CHD8: variants seen among roughly 807,000 people sequenced by gnomAD.
The protein encoded by CHD8 is ATP-dependent chromatin remodeler CHD8.
CHD8 carries 31 observed loss-of-function variants against 279.2 expected under a neutral mutation model. The ratio of observed to expected loss-of-function variants is 0.11; its 90% CI spans 0.08 to 0.15. The LOEUF is 0.15. Ranked by LOEUF, CHD8 falls within the 10% of genes least tolerant of loss-of-function variation. The pLI is 1.00. For missense variants in CHD8, 2,146 were observed against 3,230.5 expected, an observed-to-expected ratio of 0.66 and a Z score of 8.14; for synonymous variants, 1,081 against 1,139.6, an observed-to-expected ratio of 0.95 and a Z score of 1.04.
chr14:21,418,745 G>C (rs1888869890), intron 5 of CHD8, among the ~76,000 whole-genome samples: 1 of 152,260 alleles, frequency 6.6e-6, no homozygotes, highest in Non-Finnish European at 1.5e-5. Context: ...GAACCCAGGA[G>C]GCGGAGCTTG....
Position 21,400,795 on chromosome 14 carries a change from A to G in CHD8, c.4370+80T>C. ...TATCCCTTCTTTGATCATAGCCCCC[A>G]ATTTGAAAGGCAAACCAAGAGTATC... On this transcript the variant is annotated intron_variant, in intron 22 of 37. Coordinates refer to ENST00000646647, the MANE Select transcript of CHD8 (RefSeq NM_001170629.2). This position sits in a 1 kb window ranked among gnomAD's most constrained non-coding sequence, Gnocchi z 4.2. The G allele has an allele frequency of 7.0e-7, 1 of 1,427,860 alleles. No individual in the cohort carries two copies. 88.4% of individuals were successfully genotyped at this position (1,427,860 alleles called of 1,614,324 possible).
chr14:21,415,551 T>C (rs770813768), intron 7 of CHD8, 23 bp downstream of exon 7: 24 of 1,013,978 alleles, frequency 2.4e-5, no homozygotes, highest in East Asian at 6.0e-5. Context: ...ATAAAAATAA[T>C]AATAATAATA....
chr14:21,427,946 C>T lies in CHD8; in HGVS notation c.1524G>A (p.Gly508=). 1.2e-6 allele frequency: 2 copies of T among 1,614,070 alleles called. No individual in the cohort carries two copies. The highest frequency in any genetic ancestry group is 2.2e-5 in the South Asian group (2 of 91,082). ...GEKKRRKKSA[G]ERLKEEKPKK... ...TTGGCTTCTCCTCTTTCAGCCTCTC[C>T]CCAGCACTCTTCTTCCTGCGTTTCT... The change falls in exon 4 of 38, where the codon GGG becomes GGA. Residue 508 remains glycine (G), a synonymous_variant. Coordinates refer to ENST00000646647, the MANE Select transcript of CHD8 (RefSeq NM_001170629.2).
intron 1 of CHD8, among the ~76,000 whole-genome samples, chr14:21,438,188 A>G (rs977821706): frequency 2.0e-5 from 3 of 151,714 alleles, no homozygotes; most frequent in African/African-American, 7.3e-5. Flanking sequence ...AGCCTCCCGA[A>G]TAGCTGGGAT....
intron 1 of CHD8, among the ~76,000 whole-genome samples, chr14:21,436,424 G>C (rs951363467): frequency 6.6e-6 from 1 of 152,214 alleles, no homozygotes; most frequent in East Asian, 1.9e-4. Flanking sequence ...CGTGAGACAC[G>C]AAGGGTCTCA....
At chr14:21,411,988 T>C (rs532207165) in intron 10 of CHD8, among the ~76,000 whole-genome samples, 6 of 151,304 alleles carry the variant, frequency 4.0e-5, no homozygotes, top group East Asian at 2.0e-4. Flanking sequence ...TACTTGAATC[T>C]GGGAGGCGGA....
chr14:21,402,181 T>C lies in CHD8; in HGVS notation c.3883-45A>G, dbSNP rs1888066032. 3 of 1,493,666 alleles carry C rather than the reference T, an allele frequency of 2.0e-6. No homozygotes were observed. In the East Asian group the frequency reaches 7.0e-5, roughly 35 times the overall value. The allele number at this position is 1,493,666 out of a possible 1,614,324, so 92.5% of individuals were successfully genotyped here. ...GATGAAAAGACTATCAAGAGAATAA[T>C]ATCTAACCATGCCATAATATTTTAG... On this transcript the variant is annotated intron_variant, in intron 19 of 37. Transcript: ENST00000646647. This position sits in a 1 kb window ranked among gnomAD's most constrained non-coding sequence, Gnocchi z 4.5.
At chr14:21,424,080 C>A (rs1040388497) in intron 5 of CHD8, among the ~76,000 whole-genome samples, 1 of 152,050 alleles carries the variant, frequency 6.6e-6, no homozygotes, top group African/African-American at 2.4e-5. Context: ...AATTTTAATA[C>A]CGTCTTTACA....
At position 21,408,215 on chromosome 14, in the gene CHD8, TTCAATAAAA is replaced by T. The variant is rs1464754461; in HGVS notation, c.2730+88_2730+96del. On this transcript the variant is annotated intron_variant, in intron 13 of 37. Coordinates refer to ENST00000646647, the MANE Select transcript of CHD8 (RefSeq NM_001170629.2). This position sits in a 1 kb window ranked among gnomAD's most constrained non-coding sequence, Gnocchi z 4.3. ...TTTTTGCATAGGCATATTGAAGACT[TTCAATAAAA>T]GTCTTCTATTCATATATAGCCCTTA... is the stretch of plus-strand genomic sequence containing the variant. 4.9e-6 allele frequency: 7 copies of T among 1,433,564 alleles called. No individual in the cohort carries two copies. Among genetic ancestry groups the T allele is most frequent in the Non-Finnish European group, 5.6e-6 (6 of 1,063,886 alleles). 88.8% of individuals were successfully genotyped at this position (1,433,564 alleles called of 1,614,324 possible).
intron 5 of CHD8, among the ~76,000 whole-genome samples, chr14:21,424,627 C>A (rs538433601): frequency 1.6e-4 from 25 of 152,212 alleles, no homozygotes; most frequent in Admixed American, 5.9e-4. Context: ...CCCACCACCA[C>A]GCCCGGCTAA....
chr14:21,437,044 GCCAA>G, intron 1 of CHD8: 1 of 695,168 alleles, frequency 1.4e-6, no homozygotes, highest in Non-Finnish European at 2.2e-6. Context: ...GGTGGGGATG[GCCAA>G]GACGGGAAGA....
At chr14:21,427,705 C>G (rs965940969) in intron 4 of CHD8, 164 bp downstream of exon 4, 4 of 1,509,052 alleles carry the variant, frequency 2.7e-6, no homozygotes, top group Non-Finnish European at 3.5e-6. Context: ...TACTCTTGCA[C>G]GTCCCATCAC....
chr14:21,403,799 A>C lies in CHD8; in HGVS notation c.3308-136T>G. ...CATTTCTCACACACAGAATTTCAGC[A>C]CAAAAAAGTCTTAAATCGGCTGGGT... is the stretch of plus-strand genomic sequence containing the variant. On this transcript the variant is annotated intron_variant, in intron 16 of 37. Coordinates refer to ENST00000646647, the MANE Select transcript of CHD8 (RefSeq NM_001170629.2). This position sits in a 1 kb window ranked among gnomAD's most constrained non-coding sequence, Gnocchi z 4.3. The C allele has an allele frequency of 1.2e-6, 1 of 807,224 alleles. No homozygotes were observed. The highest frequency in any genetic ancestry group is 2.0e-6 in the Non-Finnish European group (1 of 511,756). The allele number at this position is 807,224 out of a possible 1,614,324, so 50.0% of individuals were successfully genotyped here. A position where few individuals can be genotyped will look rare whatever the true frequency, so the allele number is the denominator to read the frequency against.
At chr14:21,446,454 G>A (rs1277562596) in intron 1 of CHD8, among the ~76,000 whole-genome samples, 3 of 151,742 alleles carry the variant, frequency 2.0e-5, no homozygotes, top group South Asian at 4.2e-4. Flanking sequence ...TGGGACAACA[G>A]GCACACGCCA....
At position 21,431,447 on chromosome 14, in the gene CHD8, A is replaced by C; in HGVS notation, c.197T>G (p.Leu66Arg). The C allele has an allele frequency of 6.5e-7, 1 of 1,537,208 alleles. No homozygotes were observed. The highest frequency in any genetic ancestry group is 8.7e-7 in the Non-Finnish European group (1 of 1,146,894). Residue 66 changes from leucine to arginine, a missense_variant, in exon 2 of 38, where the codon CTG (leucine) becomes CGG (arginine). Leu to Arg is a moderately radical substitution (Grantham distance 102). This residue lies in a region of CHD8 where 302 missense variants were observed against 325.5 expected (regional missense o/e 0.93). Transcript: ENST00000646647. ...GDVGNSSASE[L>R]VPPPEETAPT... is the part of the protein sequence containing the mutation. ...AGCTGTTTCCTCTGGTGGAGGGACC[A>C]GTTCACTTGCTGATGAATTCCCCAC... is the stretch of plus-strand genomic sequence containing the variant.
At chr14:21,444,373 G>A (rs889305207) in intron 1 of CHD8, among the ~76,000 whole-genome samples, 2 of 152,098 alleles carry the variant, frequency 1.3e-5, no homozygotes, top group Non-Finnish European at 2.9e-5. Context: ...AGTTTCAGTT[G>A]GCTAATACCT....
Position 21,431,597 on chromosome 14 carries a change from C to A in CHD8, c.47G>T (p.Gly16Val). Residue 16 changes from glycine (G) to valine (V), a missense_variant, in exon 2 of 38, where the codon GGC becomes GTC. Gly to Val is a moderately radical substitution (Grantham distance 109). Transcript: ENST00000646647. ...GCTGTCATCAGTCAGAGAGTCCAGGCCAAATAAATTTGGGTCATCGAACAG... is the reference window on the plus strand; with the variant it reads ...GCTGTCATCAGTCAGAGAGTCCAGGACAAATAAATTTGGGTCATCGAACAG... ...MDLFDDPNLF[G>V]LDSLTDDSFN... The A allele has an allele frequency of 6.5e-7, 1 of 1,537,330 alleles. No individual in the cohort carries two copies. The highest frequency in any genetic ancestry group is 8.7e-7 in the Non-Finnish European group (1 of 1,146,870).
chr14:21,411,557 G>A (rs1278032780), intron 10 of CHD8, among the ~76,000 whole-genome samples: 1 of 152,172 alleles, frequency 6.6e-6, no homozygotes. Context: ...AAAAGGCTCT[G>A]CTGTTCTCTA....
chr14:21,429,010 G>T lies in CHD8; in HGVS notation c.1169C>A (p.Pro390Gln), dbSNP rs1337183095. The change falls in exon 3 of 38, where the codon CCA becomes CAA. Residue 390 changes from proline to glutamine, a missense_variant. By Grantham distance (76) the Pro-to-Gln change is moderately conservative (BLOSUM62 -1). Transcript: ENST00000646647. ...GACTGGTACTGAAAGTCTTTGTCCTGGGCTTTGTCCTGGTCCCATTATCTG... is the reference window on the plus strand; with the variant it reads ...GACTGGTACTGAAAGTCTTTGTCCTTGGCTTTGTCCTGGTCCCATTATCTG... The part of the protein sequence containing the change: ...QAQIMGPGQS[P>Q]GQRLSVPVKV... The T allele has an allele frequency of 6.2e-7, 1 of 1,613,928 alleles. No homozygotes were observed. The highest frequency in any genetic ancestry group is 2.2e-5 in the East Asian group (1 of 44,884).
Sources: gnomAD v4.1 joint callset for allele counts (sites outside exome capture counted in the v4.1 genomes callset) on GRCh38, gnomAD v4.1.1 for gene constraint, gnomAD v4.1.1 regional missense constraint, Gnocchi (gnomAD v3.1) non-coding constraint, MANE v1.5 for transcripts, NCBI Gene and HGNC (gene_info 2026-07-23, HGNC 2026-07-21) for gene names.